The following CDH4 variants were observed in gnomAD, a reference collection of about 807,000 sequenced individuals.
CDH4 encodes cadherin-4.
Under a neutral mutation model 86.0 loss-of-function variants are expected in CDH4, and 33 were observed. The ratio of observed to expected loss-of-function variants is 0.38; its 90% CI spans 0.29 to 0.51. The LOEUF is 0.51. Among genes scored for constraint, CDH4 ranks in the 20% least tolerant of loss-of-function variants. The pLI is 0.86. For synonymous variants in CDH4, 555 were observed against 549.4 expected, an observed-to-expected ratio of 1.01 and a Z score of -0.14; for missense variants, 1,114 against 1,307.4, an observed-to-expected ratio of 0.85 and a Z score of 2.28.
At chr20:61,372,225 G>A (rs2084844832) in intron 2 of CDH4, among the ~76,000 whole-genome samples, 1 of 152,198 alleles carries the variant, frequency 6.6e-6, no homozygotes, top group African/African-American at 2.4e-5. Context: ...GCCGTTGTCT[G>A]TGGCTTGGCT....
At chr20:61,765,573 A>G (rs1246184649) in intron 3 of CDH4, among the ~76,000 whole-genome samples, 1 of 152,014 alleles carries the variant, frequency 6.6e-6, no homozygotes, top group Admixed American at 6.5e-5. Flanking sequence ...AGAGCAGGGA[A>G]GAGGAGGAGG....
In CDH4 at chr20:61,754,515, G is replaced by C. The variant is rs923967371; in HGVS notation, c.396+10726G>C. On this transcript the variant is annotated intron_variant, in intron 3 of 15. Transcript: ENST00000614565. The surrounding 1 kb of genome is among the most constrained non-coding windows in gnomAD (Gnocchi z 4.7). ...CACTGCAGGCTCCACAGGGCTTGGGGTGTCCCTGGGGAGAGGAGGGATGAG... is the reference window on the plus strand; with the variant it reads ...CACTGCAGGCTCCACAGGGCTTGGGCTGTCCCTGGGGAGAGGAGGGATGAG... 6.6e-6 allele frequency among the ~76,000 whole-genome samples: 1 copy of C among 151,972 alleles called. No individual in the cohort carries two copies. The highest frequency in any genetic ancestry group is 6.6e-5 in the Admixed American group (1 of 15,266).
In CDH4 at chr20:61,393,760, A is replaced by G. The variant is rs1448905475; in HGVS notation, c.169+138823A>G. Reference sequence around the variant, plus strand: ...GCAGGGTTCTCATGAGGATTACACGAGTCCTGGAGACCGTGCAGTGAACTC... The same window carrying G: ...GCAGGGTTCTCATGAGGATTACACGGGTCCTGGAGACCGTGCAGTGAACTC... On this transcript the variant is annotated intron_variant, in intron 2 of 15. Transcript: ENST00000614565. This position sits in a 1 kb window ranked among gnomAD's most constrained non-coding sequence, Gnocchi z 4.3. Among the ~76,000 whole-genome samples the G allele has an allele frequency of 6.6e-6, 1 of 152,078 alleles. No homozygotes were observed. The highest frequency in any genetic ancestry group is 1.5e-5 in the Non-Finnish European group (1 of 68,014).
At chr20:61,368,466 C>T (rs576024198) in intron 2 of CDH4, among the ~76,000 whole-genome samples, 66 of 152,314 alleles carry the variant, frequency 4.3e-4, no homozygotes, top group Non-Finnish European at 7.1e-4. Flanking sequence ...AATCTGCAGG[C>T]ACCTTGATCT....
At chr20:61,904,392 C>G (rs942392691) in intron 8 of CDH4, among the ~76,000 whole-genome samples, 1 of 152,102 alleles carries the variant, frequency 6.6e-6, no homozygotes, top group African/African-American at 2.4e-5. Context: ...TGGGGACTCT[C>G]CGGCAGCTTC....
At chr20:61,390,207 C>G (rs1483748794) in intron 2 of CDH4, among the ~76,000 whole-genome samples, 2 of 140,336 alleles carry the variant, frequency 1.4e-5, no homozygotes, top group Admixed American at 1.4e-4. Flanking sequence ...TGAGATCGTG[C>G]GGTCATAGGG....
intron 7 of CDH4, among the ~76,000 whole-genome samples, chr20:61,888,616 G>A (rs895955747): frequency 8.5e-5 from 13 of 152,266 alleles, no homozygotes; most frequent in Admixed American, 8.5e-4. Context: ...TTAGAAGGCA[G>A]ATCCTGACCC....
In CDH4 at chr20:61,885,985, G is replaced by A. The variant is rs577232741; in HGVS notation, c.1051-8925G>A. Among the ~76,000 whole-genome samples, 47 of 152,342 alleles carry A rather than the reference G, an allele frequency of 3.1e-4. 1 individual carries two copies. Among genetic ancestry groups the A allele is most frequent in the Middle Eastern group, 3.4e-3 (1 of 294 alleles). The stretch of plus-strand genomic sequence containing the variant: ...TGGAGAAGCTCCCAGAGCAGCAGCC[G>A]CCGTCGTGCTGGGACTGGCTCTGGC... On this transcript the variant is annotated intron_variant, in intron 7 of 15. Transcript: ENST00000614565.
chr20:61,931,302 C>A (rs1333760495), intron 13 of CDH4, among the ~76,000 whole-genome samples: 1 of 152,248 alleles, frequency 6.6e-6, no homozygotes, highest in Non-Finnish European at 1.5e-5. Context: ...TGGCTCCTCC[C>A]TCCGCCTGCA....
At position 61,773,050 on chromosome 20, in the gene CDH4, G is replaced by A. The variant is rs1470159934; in HGVS notation, c.444G>A (p.Pro148=). The part of the protein sequence containing the change: ...KVVALDPSPP[P]KDTLLPWPQH... ...TGGCTCTGGACCCCTCTCCGCCTCC[G>A]AAGGACACCCTGCTGCCGTGGCCCC... Residue 148 remains proline (P), a synonymous_variant, in exon 4 of 16, where the codon CCG becomes CCA. Coordinates refer to ENST00000614565, the MANE Select transcript of CDH4 (RefSeq NM_001794.5). 2 of 1,613,668 alleles carry A rather than the reference G, an allele frequency of 1.2e-6. No homozygotes were observed. Among genetic ancestry groups the A allele is most frequent in the East Asian group, 4.5e-5 (2 of 44,848 alleles).
intron 2 of CDH4, among the ~76,000 whole-genome samples, chr20:61,457,485 G>A (rs2085413910): frequency 1.3e-5 from 2 of 152,240 alleles, no homozygotes; most frequent in African/African-American, 4.8e-5. Context: ...TGATGACAAT[G>A]GTGGTGATAG....
At chr20:61,536,641 A>G (rs1397728318) in intron 2 of CDH4, among the ~76,000 whole-genome samples, 1 of 152,228 alleles carries the variant, frequency 6.6e-6, no homozygotes, top group Non-Finnish European at 1.5e-5. Flanking sequence ...ATAAAAGAAT[A>G]ACTTTAATTA....
intron 5 of CDH4, among the ~76,000 whole-genome samples, chr20:61,847,582 AAC>A (rs1330362239): frequency 6.6e-6 from 1 of 152,252 alleles, no homozygotes; most frequent in East Asian, 1.9e-4. Context: ...AACATGTGCA[AAC>A]ACGCTGTGTT....
At chr20:61,741,399 C>T (rs1196596614) in intron 2 of CDH4, among the ~76,000 whole-genome samples, 3 of 152,190 alleles carry the variant, frequency 2.0e-5, no homozygotes, top group East Asian at 1.9e-4. Context: ...CTGACGCCAC[C>T]GCTGTTTCCT....
At chr20:61,524,052 C>T (rs187502578) in intron 2 of CDH4, among the ~76,000 whole-genome samples, 2 of 152,278 alleles carry the variant, frequency 1.3e-5, no homozygotes, top group Non-Finnish European at 2.9e-5. Context: ...GCATGGCAGC[C>T]GTGACTCCAT....
At chr20:61,835,576 G>A (rs1227340629) in intron 4 of CDH4, among the ~76,000 whole-genome samples, 2 of 151,154 alleles carry the variant, frequency 1.3e-5, no homozygotes, top group Non-Finnish European at 1.5e-5. Flanking sequence ...GAGGAGGGTC[G>A]GCCCACAGAG....
intron 2 of CDH4, among the ~76,000 whole-genome samples, chr20:61,607,975 C>G (rs553935452): frequency 2.6e-5 from 4 of 152,182 alleles, no homozygotes; most frequent in African/African-American, 4.8e-5. Flanking sequence ...TCCTCCTCTC[C>G]TTTCCCTCAT....
intron 2 of CDH4, among the ~76,000 whole-genome samples, chr20:61,479,977 C>T (rs921885522): frequency 6.6e-6 from 1 of 152,200 alleles, no homozygotes; most frequent in African/African-American, 2.4e-5. Flanking sequence ...TGCTATGAAT[C>T]ACATTCTGTG....
rs568143651 is a variant in CDH4 at position 61,405,969 on chromosome 20, C to T, written c.169+151032C>T. ...TGCTGGGATTACAGGCGTGAGCCAC[C>T]GCGCCCGGCCTATAATTTCTATAAT... is the stretch of plus-strand genomic sequence containing the variant. On this transcript the variant is annotated intron_variant, in intron 2 of 15. Transcript: ENST00000614565. 4.7e-4 allele frequency among the ~76,000 whole-genome samples: 72 copies of T among 152,298 alleles called. 1 individual carries two copies. Among genetic ancestry groups the T allele is most frequent in the Admixed American group, 1.8e-3 (28 of 15,308 alleles).
Sources: allele counts gnomAD v4.1 joint callset (sites outside exome capture counted in the v4.1 genomes callset), GRCh38; gene constraint gnomAD v4.1.1; non-coding constraint Gnocchi (gnomAD v3.1); transcripts MANE v1.5; gene names NCBI Gene and HGNC (gene_info 2026-07-23, HGNC 2026-07-21).